NOL4: variants seen among roughly 807,000 people sequenced by gnomAD.
NOL4 encodes the protein cancer/testis antigen 125.
In NOL4, 17 loss-of-function variants were observed where a neutral mutation model predicts 75.9. The observed-to-expected ratio is 0.22, with a 90% CI of 0.15 to 0.34. The LOEUF is 0.34. Ranked by LOEUF, NOL4 falls within the 10% of genes least tolerant of loss-of-function variation. NOL4 has a pLI of 1.00. For missense variants in NOL4, 614 were observed against 793.5 expected (o/e 0.77, Z 2.72); for synonymous variants, 292 against 289.9 (o/e 1.01, Z -0.07).
chr18:34,034,614 C>T (rs1364185356), intron 5 of NOL4, among the ~76,000 whole-genome samples: 1 of 151,974 alleles, frequency 6.6e-6, no homozygotes. Flanking sequence ...TGGTGCACAC[C>T]GATAGTCCCA....
At chr18:34,098,158 A>G (rs2145603287) in intron 4 of NOL4, among the ~76,000 whole-genome samples, 1 of 152,224 alleles carries the variant, frequency 6.6e-6, no homozygotes, top group Middle Eastern at 3.4e-3. Context: ...CCTTAGATCA[A>G]GGAACAGTAT....
intron 1 of NOL4, chr18:34,222,266 C>A: frequency 1.5e-6 from 2 of 1,352,232 alleles, no homozygotes; most frequent in South Asian, 1.9e-5. Context: ...CATTCGATAG[C>A]GCCTAAACCC....
intron 1 of NOL4, among the ~76,000 whole-genome samples, chr18:34,148,282 T>TCTTC (rs2081495584): frequency 6.6e-6 from 1 of 152,134 alleles, no homozygotes; most frequent in Admixed American, 6.6e-5. Flanking sequence ...CTCTTCCTTC[T>TCTTC]CTAGCTCTTT....
intron 1 of NOL4, among the ~76,000 whole-genome samples, chr18:34,134,045 C>T (rs1224139612): frequency 2.0e-5 from 3 of 152,000 alleles, no homozygotes; most frequent in Non-Finnish European, 4.4e-5. Context: ...TACTTTTCTA[C>T]TTTCTTCCCT....
At chr18:34,069,672 T>C (rs2077427087) in intron 5 of NOL4, among the ~76,000 whole-genome samples, 1 of 151,998 alleles carries the variant, frequency 6.6e-6, no homozygotes, top group African/African-American at 2.4e-5. Context: ...AGAGACTAAA[T>C]ACACAAACCC....
intron 10 of NOL4, among the ~76,000 whole-genome samples, chr18:33,869,728 C>A (rs756359201): frequency 6.6e-6 from 1 of 152,012 alleles, no homozygotes; most frequent in Non-Finnish European, 1.5e-5. Context: ...TTCTTTTATA[C>A]TATTAGTCAA....
intron 6 of NOL4, among the ~76,000 whole-genome samples, chr18:33,979,595 C>G (rs2071782060): frequency 6.6e-6 from 1 of 151,546 alleles, no homozygotes; most frequent in Non-Finnish European, 1.5e-5. Context: ...TGTTGAGGAA[C>G]TTAGAATTTT....
chr18:34,196,538 T>C (rs2035341126), intron 1 of NOL4, among the ~76,000 whole-genome samples: 1 of 152,140 alleles, frequency 6.6e-6, no homozygotes, highest in Non-Finnish European at 1.5e-5. Flanking sequence ...CAGTAGAACA[T>C]GAATTTTGAT....
intron 9 of NOL4, among the ~76,000 whole-genome samples, chr18:33,909,828 A>AAT (rs957390236): frequency 1.3e-5 from 2 of 151,964 alleles, no homozygotes; most frequent in Non-Finnish European, 2.9e-5. Context: ...GGAAGGATAA[A>AAT]ATATATAAAA....
At chr18:34,114,278 A>G (rs1405496614) in intron 2 of NOL4, among the ~76,000 whole-genome samples, 1 of 152,220 alleles carries the variant, frequency 6.6e-6, no homozygotes, top group East Asian at 1.9e-4. Flanking sequence ...AAATATTTTT[A>G]TATTTCAGAA....
intron 9 of NOL4, among the ~76,000 whole-genome samples, chr18:33,906,282 T>C (rs2145066804): frequency 6.6e-6 from 1 of 152,338 alleles, no homozygotes; most frequent in Non-Finnish European, 1.5e-5. Context: ...CCCAGATATC[T>C]GTGGTCATGA....
At chr18:33,887,422 T>G (rs951480296) in intron 9 of NOL4, among the ~76,000 whole-genome samples, 3 of 151,588 alleles carry the variant, frequency 2.0e-5, no homozygotes, top group Non-Finnish European at 2.9e-5. Context: ...AGGTGAGTTT[T>G]TTTTTTTTTT....
chr18:34,153,175 G>A (rs1239981325), intron 1 of NOL4, among the ~76,000 whole-genome samples: 5 of 151,358 alleles, frequency 3.3e-5, no homozygotes, highest in East Asian at 1.9e-4. Context: ...ATTTCTTTTC[G>A]ATACATCACT....
At chr18:34,122,866 G>T (rs1205939100) in intron 2 of NOL4, among the ~76,000 whole-genome samples, 1 of 151,842 alleles carries the variant, frequency 6.6e-6, no homozygotes, top group African/African-American at 2.4e-5. Flanking sequence ...CAAACCTCTC[G>T]ATCTGAGTGA....
At chr18:34,217,928 C>T (rs567358702) in intron 1 of NOL4, among the ~76,000 whole-genome samples, 1 of 151,952 alleles carries the variant, frequency 6.6e-6, no homozygotes, top group Non-Finnish European at 1.5e-5. Context: ...CTCCAGTAAA[C>T]GTCAGAGCCA....
chr18:33,947,910 C>T (rs1046504251), intron 8 of NOL4, among the ~76,000 whole-genome samples: 2 of 151,830 alleles, frequency 1.3e-5, no homozygotes, highest in South Asian at 4.1e-4. Flanking sequence ...GATGTAATTG[C>T]TGTTGGCATG....
chr18:34,044,101 T>C (rs896630988), intron 5 of NOL4, among the ~76,000 whole-genome samples: 1 of 152,068 alleles, frequency 6.6e-6, no homozygotes, highest in Admixed American at 6.6e-5. Context: ...TAAAAAATTG[T>C]GTTATTTCTC....
rs530867133 is a variant in NOL4, at chr18:34,157,367, G to A, written c.265-27347C>T. ...CTGATCTTGTGTAAGTAGGGGCATA[G>A]GGTCATTAACTGAGATAGAAAATAC... On this transcript the variant is annotated intron_variant, in intron 1 of 10. Coordinates refer to ENST00000261592, the MANE Select transcript of NOL4 (RefSeq NM_003787.5). Among the ~76,000 whole-genome samples the A allele has an allele frequency of 2.0e-5, 3 of 152,202 alleles. No homozygotes were observed. The East Asian group carries it at 5.8e-4, about 29-fold the overall frequency.
intron 1 of NOL4, among the ~76,000 whole-genome samples, chr18:34,162,273 C>T (rs2031610405): frequency 6.6e-6 from 1 of 151,968 alleles, no homozygotes; most frequent in Admixed American, 6.6e-5. Flanking sequence ...CACAAAAAAC[C>T]CTTCAAAAAA....
Sources: allele counts gnomAD v4.1 joint callset (sites outside exome capture counted in the v4.1 genomes callset), GRCh38; gene constraint gnomAD v4.1.1; transcripts MANE v1.5; gene names NCBI Gene and HGNC (gene_info 2026-07-23, HGNC 2026-07-21).